HIP1: variants seen among roughly 807,000 people sequenced by gnomAD.
The protein encoded by HIP1 is huntingtin interacting protein 1.
In HIP1, 65 loss-of-function variants were observed where a neutral mutation model predicts 147.6. The ratio of observed to expected loss-of-function variants is 0.44; its 90% CI spans 0.36 to 0.54. The LOEUF is 0.54. Ranked by LOEUF, HIP1 falls within the 20% of genes least tolerant of loss-of-function variation. HIP1 has a pLI of 0.00. For missense variants in HIP1, 1,061 were observed against 1,299.6 expected (o/e 0.82, Z 2.82); for synonymous variants, 479 against 504.0 (o/e 0.95, Z 0.67).
chr7:75,613,661 C>G (rs587738045), intron 1 of HIP1, among the ~76,000 whole-genome samples: 5 of 152,174 alleles, frequency 3.3e-5, no homozygotes, highest in Admixed American at 6.6e-5. Flanking sequence ...CATCTGAGAG[C>G]GCCTCCTCTC....
At chr7:75,572,534 C>G (rs1323454665) in intron 8 of HIP1, among the ~76,000 whole-genome samples, 2 of 152,184 alleles carry the variant, frequency 1.3e-5, no homozygotes, top group African/African-American at 4.8e-5. Context: ...TAGAGGCAGA[C>G]AGAGAGGACC....
rs1256808992 is a variant in HIP1, at chr7:75,732,345, G to A, written c.120+6456C>T. On this transcript the variant is annotated intron_variant, in intron 1 of 30. Transcript: ENST00000336926. ...TGCTCTGACGTATGCGCTATCCACC[G>A]ACTTTTTTTGTTTGTTTCTGGCTTT... 3.9e-5 allele frequency among the ~76,000 whole-genome samples: 6 copies of A among 151,950 alleles called. 1 individual carries two copies. Among genetic ancestry groups the A allele is most frequent in the Non-Finnish European group, 8.8e-5 (6 of 68,004 alleles).
chr7:75,701,069 T>C (rs1800815998), intron 1 of HIP1, among the ~76,000 whole-genome samples: 1 of 152,132 alleles, frequency 6.6e-6, no homozygotes, highest in Non-Finnish European at 1.5e-5. Flanking sequence ...CCGGATGGGA[T>C]GAGAATATTC....
intron 9 of HIP1, among the ~76,000 whole-genome samples, chr7:75,564,887 C>T (rs1333313177): frequency 3.9e-5 from 6 of 151,952 alleles, no homozygotes; most frequent in Admixed American, 3.3e-4. Flanking sequence ...TGAGAGCCAC[C>T]ATGCTTGGCC....
Position 75,534,836 on chromosome 7 carries a change from C to G in HIP1, c.*3336G>C. 4.9e-6 allele frequency: 1 copy of G among 204,134 alleles called. No individual in the cohort carries two copies. Among genetic ancestry groups the G allele is most frequent in the Non-Finnish European group, 1.0e-5 (1 of 99,492 alleles). 12.6% of individuals were successfully genotyped at this position (204,134 alleles called of 1,614,324 possible). A position where few individuals can be genotyped will look rare whatever the true frequency, so the allele number is the denominator to read the frequency against. The stretch of plus-strand genomic sequence containing the variant: ...GCTGTTTTTTAACTTCTTGTCGATC[C>G]TAAGCCATGATTTTGTTGCTGTCCC... On this transcript the variant is annotated 3_prime_UTR_variant, in exon 31 of 31. Coordinates refer to ENST00000336926, the MANE Select transcript of HIP1 (RefSeq NM_005338.7).
intron 1 of HIP1, among the ~76,000 whole-genome samples, chr7:75,635,068 C>T (rs1798378553): frequency 6.6e-6 from 1 of 151,908 alleles, no homozygotes; most frequent in Non-Finnish European, 1.5e-5. Context: ...ACTCTATTTC[C>T]CAAATTACAG....
chr7:75,659,640 C>T (rs1799245192), intron 1 of HIP1, among the ~76,000 whole-genome samples: 1 of 151,698 alleles, frequency 6.6e-6, no homozygotes, highest in South Asian at 2.1e-4. Flanking sequence ...CAGAGCGAGA[C>T]TCCATTTCAA....
At chr7:75,673,681 A>C (rs1799794929) in intron 1 of HIP1, among the ~76,000 whole-genome samples, 1 of 151,928 alleles carries the variant, frequency 6.6e-6, no homozygotes, top group African/African-American at 2.4e-5. Flanking sequence ...AAATACAACT[A>C]AATTTTTAAA....
intron 1 of HIP1, among the ~76,000 whole-genome samples, chr7:75,622,935 C>T (rs1033829886): frequency 5.3e-5 from 8 of 151,516 alleles, no homozygotes; most frequent in Non-Finnish European, 8.8e-5. Flanking sequence ...TGGTGGCTCA[C>T]GCCTGTAATC....
chr7:75,551,224 G>A (rs1037404846), intron 22 of HIP1, among the ~76,000 whole-genome samples: 1 of 65,298 alleles, frequency 1.5e-5, no homozygotes, highest in Non-Finnish European at 2.5e-5. Context: ...TTGAGGCAGT[G>A]TCTCACTCTG....
At chr7:75,606,492 C>T (rs1166577231) in intron 1 of HIP1, among the ~76,000 whole-genome samples, 1 of 151,870 alleles carries the variant, frequency 6.6e-6, no homozygotes, top group East Asian at 1.9e-4. Flanking sequence ...GGCAGAATTG[C>T]TTGAACACGG....
At chr7:75,581,447 T>C (rs237239) in intron 6 of HIP1, 149 bp from the exon 7 acceptor site, 208,155 of 635,466 alleles carry the variant, frequency 0.33, 40,469 homozygotes, top group African/African-American at 0.72. Context: ...GTCTTAGCCT[T>C]GTGGGTATTA....
intron 1 of HIP1, among the ~76,000 whole-genome samples, chr7:75,667,284 T>C (rs1554514715): frequency 1.3e-5 from 2 of 152,158 alleles, no homozygotes; most frequent in African/African-American, 2.4e-5. Flanking sequence ...CATGGAGTGA[T>C]AATGGAAAGA....
Position 75,677,467 on chromosome 7 carries a change from G to A in HIP1, c.120+61334C>T, listed in dbSNP as rs191238074. Among the ~76,000 whole-genome samples, 87 of 151,104 alleles carry A rather than the reference G, an allele frequency of 5.8e-4. 1 individual carries two copies. The highest frequency in any genetic ancestry group is 2.1e-3 in the Admixed American group (31 of 15,064). On this transcript the variant is annotated intron_variant, in intron 1 of 30. Transcript: ENST00000336926. ...TTGAAAATACAAAAATTAGCTGGGC[G>A]TGGTGGCGGGTGCCTGTAATCCCAG...
intron 1 of HIP1, among the ~76,000 whole-genome samples, chr7:75,664,824 T>C (rs891037059): frequency 1.3e-5 from 2 of 152,262 alleles, no homozygotes; most frequent in African/African-American, 2.4e-5. Context: ...TTTCACCATA[T>C]TGGCCAGGCT....
chr7:75,552,848 G>A (rs768105642), intron 22 of HIP1, among the ~76,000 whole-genome samples: 2 of 151,224 alleles, frequency 1.3e-5, no homozygotes, highest in Admixed American at 6.6e-5. Context: ...TCCTTCAGGA[G>A]GTTTTTCCTT....
At chr7:75,645,002 AAC>A (rs1371803016) in intron 1 of HIP1, among the ~76,000 whole-genome samples, 9 of 152,296 alleles carry the variant, frequency 5.9e-5, no homozygotes, top group African/African-American at 2.2e-4. Flanking sequence ...ACCCTCAGGA[AAC>A]ACACAAATTC....
chr7:75,648,238 G>A (rs1164793834), intron 1 of HIP1, among the ~76,000 whole-genome samples: 1 of 152,082 alleles, frequency 6.6e-6, no homozygotes, highest in East Asian at 1.9e-4. Context: ...GGACTAGTTG[G>A]AGTAGCTGAA....
intron 8 of HIP1, among the ~76,000 whole-genome samples, chr7:75,572,557 G>A (rs1795682483): frequency 6.6e-6 from 1 of 152,166 alleles, no homozygotes; most frequent in African/African-American, 2.4e-5. Context: ...CCTGGTGATG[G>A]CAGCTGCCAG....
Sources: gnomAD v4.1 joint callset for allele counts (sites outside exome capture counted in the v4.1 genomes callset) on GRCh38, gnomAD v4.1.1 for gene constraint, MANE v1.5 for transcripts, NCBI Gene and HGNC (gene_info 2026-07-23, HGNC 2026-07-21) for gene names.